Variants in MYCBP2 observed in about 807,000 individuals in gnomAD.
MYCBP2 encodes MYC binding protein 2.
MYCBP2 carries 120 observed loss-of-function variants against 525.3 expected under a neutral mutation model. The ratio of observed to expected loss-of-function variants is 0.23; its 90% CI spans 0.20 to 0.27. The LOEUF (loss-of-function observed/expected upper bound fraction) is 0.27. Among genes scored for constraint, MYCBP2 ranks in the 10% least tolerant of loss-of-function variants. The pLI is 1.00. For missense variants in MYCBP2, 4,149 were observed against 5,657.1 expected, an observed-to-expected ratio of 0.73 and a Z score of 8.55; for synonymous variants, 1,894 against 1,955.8, an observed-to-expected ratio of 0.97 and a Z score of 0.83.
chr13:77,299,082 A>G (rs1028939035), intron 1 of MYCBP2, among the ~76,000 whole-genome samples: 1 of 152,240 alleles, frequency 6.6e-6, no homozygotes, highest in African/African-American at 2.4e-5. Flanking sequence ...ACAGGAATAC[A>G]TAACTACTAA....
At chr13:77,109,482 C>T (rs1418577515) in intron 55 of MYCBP2, among the ~76,000 whole-genome samples, 7 of 152,218 alleles carry the variant, frequency 4.6e-5, no homozygotes, top group African/African-American at 1.7e-4. Context: ...GGGGGTTGGA[C>T]ATCCCTGCTC....
chr13:77,178,153 C>G (rs758778434), intron 34 of MYCBP2, among the ~76,000 whole-genome samples, 199 bp from the exon 35 acceptor site: 1 of 152,196 alleles, frequency 6.6e-6, no homozygotes, highest in Non-Finnish European at 1.5e-5. Flanking sequence ...TGTCACTTGA[C>G]AGTATTTTCT....
In MYCBP2 at chr13:77,150,738, A is replaced by C; in HGVS notation, c.7127T>G (p.Met2376Arg). 1 of 1,610,868 alleles carries C rather than the reference A, an allele frequency of 6.2e-7. No individual in the cohort carries two copies. The highest frequency in any genetic ancestry group is 1.7e-5 in the Admixed American group (1 of 59,434). Residue 2376 changes from methionine to arginine, a missense_variant, in exon 47 of 83, where the codon ATG becomes AGG. Met to Arg is a moderately conservative substitution (Grantham distance 91). Transcript: ENST00000544440. ...CTGATAAGTAAAATAAATTACCTTC[A>C]TCATTGTTATGGCAATATATCGAGC... The part of the protein sequence containing the change: ...KEARYIAITM[M>R]KVYENYSFEE...
At chr13:77,092,368 G>A (rs1479701749) in intron 59 of MYCBP2, 1 of 151,900 alleles carries the variant, frequency 6.6e-6, no homozygotes, top group African/African-American at 2.4e-5. Context: ...TAATCCATAT[G>A]TCAGCTTCTC....
At chr13:77,261,094 T>C in intron 12 of MYCBP2, 77 bp downstream of exon 12, 1 of 1,181,564 alleles carries the variant, frequency 8.5e-7, no homozygotes, top group South Asian at 1.6e-5. Flanking sequence ...TTCATAAACT[T>C]TATCTTAATA....
At chr13:77,315,896 A>C (rs2080881720) in intron 1 of MYCBP2, among the ~76,000 whole-genome samples, 1 of 46,092 alleles carries the variant, frequency 2.2e-5, no homozygotes, top group Non-Finnish European at 4.7e-5. Flanking sequence ...CTCTGTCTCA[A>C]AAAAAAAAAA....
At chr13:77,218,849 A>G (rs1594032329) in intron 20 of MYCBP2, among the ~76,000 whole-genome samples, 1 of 152,224 alleles carries the variant, frequency 6.6e-6, no homozygotes, top group East Asian at 1.9e-4. Flanking sequence ...CTTTTGAGAA[A>G]TGTAATTATG....
intron 15 of MYCBP2, among the ~76,000 whole-genome samples, chr13:77,250,939 A>C (rs1219752477): frequency 6.6e-6 from 1 of 152,238 alleles, no homozygotes; most frequent in Non-Finnish European, 1.5e-5. Flanking sequence ...AAATGAAAGA[A>C]AGGCAACCTT....
chr13:77,187,645 G>A (rs577837433), intron 30 of MYCBP2, among the ~76,000 whole-genome samples: 21 of 152,212 alleles, frequency 1.4e-4, no homozygotes, highest in Admixed American at 1.0e-3. Flanking sequence ...TATATAATAC[G>A]AAATTTTCTA....
intron 17 of MYCBP2, among the ~76,000 whole-genome samples, chr13:77,236,980 C>A (rs1454507436): frequency 6.6e-6 from 1 of 152,182 alleles, no homozygotes; most frequent in Non-Finnish European, 1.5e-5. Context: ...ATTCCTATAA[C>A]ATTTTTAAAA....
rs398023536 is a variant in MYCBP2 at position 77,326,240 on chromosome 13, GACACACACACACACACAC to G, written c.302+216_302+233del. Among the ~76,000 whole-genome samples the G allele has an allele frequency of 7.6e-3, 973 of 127,876 alleles. 14 individuals carry two copies. The highest frequency in any genetic ancestry group is 0.027 in the African/African-American group (903 of 33,700). The allele number at this position is 127,876 out of a possible 152,430, so 83.9% of individuals were successfully genotyped here. A position where few individuals can be genotyped will look rare whatever the true frequency, so the allele number is the denominator to read the frequency against. On this transcript the variant is annotated intron_variant, in intron 1 of 82. Transcript: ENST00000544440. This position sits in a 1 kb window ranked among gnomAD's most constrained non-coding sequence, Gnocchi z 4.2. ...CACTATCCCCCCACATAGGCAGGCA[GACACACACACACACACAC>G]ACACACACACACACACACACACACA...
intron 30 of MYCBP2, among the ~76,000 whole-genome samples, chr13:77,186,400 A>C (rs1301699498): frequency 6.6e-6 from 1 of 152,202 alleles, no homozygotes; most frequent in African/African-American, 2.4e-5. Context: ...AAAAATGAGA[A>C]GCACTTATAA....
At chr13:77,150,082 C>T (rs1336351923) in intron 47 of MYCBP2, among the ~76,000 whole-genome samples, 2 of 152,096 alleles carry the variant, frequency 1.3e-5, no homozygotes, top group Admixed American at 6.6e-5. Context: ...CTTGATAATT[C>T]GGATTAACAT....
At chr13:77,126,614 T>C (rs1161388591) in intron 52 of MYCBP2, 72 bp from the exon 53 acceptor site, 7 of 1,113,526 alleles carry the variant, frequency 6.3e-6, no homozygotes, top group Non-Finnish European at 9.0e-6. Flanking sequence ...TTCCTATTAA[T>C]AGCTTTTATA....
At chr13:77,273,726 A>G (rs994682895) in intron 4 of MYCBP2, 58 bp from the exon 5 acceptor site, 1 of 1,228,930 alleles carries the variant, frequency 8.1e-7, no homozygotes, top group Non-Finnish European at 1.1e-6. Context: ...TTATATGCGT[A>G]TATTTATTTA....
At chr13:77,047,052 G>A (rs750248850) in intron 82 of MYCBP2, among the ~76,000 whole-genome samples, 12 of 152,088 alleles carry the variant, frequency 7.9e-5, no homozygotes, top group Admixed American at 2.0e-4. Flanking sequence ...AATATTTACC[G>A]CATGCCTAAT....
chr13:77,243,309 A>G, intron 16 of MYCBP2, 149 bp from the exon 17 acceptor site: 1 of 698,684 alleles, frequency 1.4e-6, no homozygotes, highest in Non-Finnish European at 2.4e-6. Flanking sequence ...CTTAGCCAAA[A>G]AGGGAAAAAG....
At chr13:77,211,622 C>T (rs1227887143) in intron 22 of MYCBP2, among the ~76,000 whole-genome samples, 1 of 152,040 alleles carries the variant, frequency 6.6e-6, no homozygotes, top group African/African-American at 2.4e-5. Flanking sequence ...TTTATATAAC[C>T]TCCCATAAAA....
intron 55 of MYCBP2, among the ~76,000 whole-genome samples, chr13:77,114,573 G>A (rs904412329): frequency 1.1e-4 from 17 of 151,988 alleles, no homozygotes; most frequent in African/African-American, 3.9e-4. Flanking sequence ...GAATTTTGGG[G>A]TCACATTTAA....
Sources: gnomAD v4.1 joint callset for allele counts (sites outside exome capture counted in the v4.1 genomes callset) on GRCh38, gnomAD v4.1.1 for gene constraint, Gnocchi (gnomAD v3.1) non-coding constraint, MANE v1.5 for transcripts, NCBI Gene and HGNC (gene_info 2026-07-23, HGNC 2026-07-21) for gene names.